Variants in FARS2 observed in about 807,000 individuals in gnomAD.
FARS2 encodes the protein phenylalanyl-tRNA synthetase 2, mitochondrial, also known as phenylalanine--tRNA ligase, mitochondrial.
FARS2 carries 40 observed loss-of-function variants against 46.4 expected under a neutral mutation model. That is an observed-to-expected ratio of 0.86 (90% CI 0.67 to 1.12). The LOEUF (loss-of-function observed/expected upper bound fraction) is 1.12. FARS2 is among the 50% of genes most tolerant of loss of function. FARS2 has a pLI of 0.00. For missense variants in FARS2, 513 were observed against 567.9 expected, an observed-to-expected ratio of 0.90 and a Z score of 0.98; for synonymous variants, 234 against 214.9, an observed-to-expected ratio of 1.09 and a Z score of -0.78.
At chr6:5,417,734 T>C (rs183210136) in intron 3 of FARS2, among the ~76,000 whole-genome samples, 167 of 152,334 alleles carry the variant, frequency 1.1e-3, no homozygotes, top group Middle Eastern at 6.8e-3. Context: ...TTCAGATTTC[T>C]TATGTTTGGA....
chr6:5,635,764 C>G (rs758578123), intron 6 of FARS2, among the ~76,000 whole-genome samples: 4 of 152,118 alleles, frequency 2.6e-5, no homozygotes, highest in Non-Finnish European at 4.4e-5. Flanking sequence ...CCGAAGCCCA[C>G]CCCATGGAGT....
chr6:5,371,942 A>G (rs1419909143), intron 2 of FARS2, among the ~76,000 whole-genome samples: 1 of 152,122 alleles, frequency 6.6e-6, no homozygotes, highest in Non-Finnish European at 1.5e-5. Flanking sequence ...AAACAAAACC[A>G]CACCAAAGGG....
intron 4 of FARS2, among the ~76,000 whole-genome samples, chr6:5,469,803 A>G (rs1396651037): frequency 6.6e-6 from 1 of 152,200 alleles, no homozygotes; most frequent in African/African-American, 2.4e-5. Flanking sequence ...TAGATTTCTA[A>G]TCAGTGTTTT....
intron 1 of FARS2, among the ~76,000 whole-genome samples, chr6:5,357,573 T>A (rs1454308313): frequency 6.6e-6 from 1 of 152,216 alleles, no homozygotes; most frequent in Non-Finnish European, 1.5e-5. Context: ...ATGGTTTGCA[T>A]AGAGGTAAAA....
intron 4 of FARS2, among the ~76,000 whole-genome samples, chr6:5,503,102 C>T (rs746923960): frequency 2.0e-5 from 3 of 151,544 alleles, no homozygotes; most frequent in Non-Finnish European, 2.9e-5. Context: ...ACAACATCCT[C>T]ACTAAATTAA....
chr6:5,703,991 C>T (rs1758592087), intron 6 of FARS2, among the ~76,000 whole-genome samples: 1 of 152,160 alleles, frequency 6.6e-6, no homozygotes, highest in Non-Finnish European at 1.5e-5. Context: ...CCTCTGCCGC[C>T]TCCTCCCTTT....
chr6:5,552,425 T>G (rs7744300), intron 5 of FARS2, among the ~76,000 whole-genome samples: 22,004 of 152,186 alleles, frequency 0.14, 2,004 homozygotes, highest in East Asian at 0.3. Context: ...TTTCTCTTCC[T>G]TGGTCTCCTT....
intron 1 of FARS2, among the ~76,000 whole-genome samples, chr6:5,270,548 A>G (rs1366211827): frequency 6.6e-6 from 1 of 152,156 alleles, no homozygotes; most frequent in Non-Finnish European, 1.5e-5. Flanking sequence ...TGTTTGCTGA[A>G]ATTTTTCTGT....
chr6:5,446,643 T>A (rs1764203412), intron 4 of FARS2, among the ~76,000 whole-genome samples: 1 of 152,194 alleles, frequency 6.6e-6, no homozygotes, highest in Admixed American at 6.5e-5. Context: ...GCTTCATACT[T>A]GGATGTGATG....
intron 4 of FARS2, chr6:5,466,487 T>C (rs1407225062): frequency 2.1e-6 from 2 of 967,932 alleles, no homozygotes; most frequent in Non-Finnish European, 2.5e-6. Context: ...ACATAATAAA[T>C]GTTTAGTGGA....
At chr6:5,300,610 G>A (rs1308529695) in intron 1 of FARS2, among the ~76,000 whole-genome samples, 1 of 152,084 alleles carries the variant, frequency 6.6e-6, no homozygotes, top group African/African-American at 2.4e-5. Flanking sequence ...GACACTGTTG[G>A]ATGAGAGAGA....
At chr6:5,271,353 C>T (rs1224451985) in intron 1 of FARS2, among the ~76,000 whole-genome samples, 2 of 152,126 alleles carry the variant, frequency 1.3e-5, no homozygotes, top group Non-Finnish European at 2.9e-5. Context: ...GTCATGTCCT[C>T]ATCCATTTCT....
chr6:5,713,771 G>A (rs952560081), intron 6 of FARS2, among the ~76,000 whole-genome samples: 17 of 152,208 alleles, frequency 1.1e-4, no homozygotes, highest in African/African-American at 3.6e-4. Flanking sequence ...GGAGGGTGGC[G>A]CTTTGAGCAG....
At chr6:5,564,170 G>A (rs375133645) in intron 5 of FARS2, among the ~76,000 whole-genome samples, 77 of 152,298 alleles carry the variant, frequency 5.1e-4, no homozygotes, top group Admixed American at 2.0e-3. Flanking sequence ...GTATAACCCT[G>A]TTGCAAATAG....
At chr6:5,484,568 G>A (rs891528003) in intron 4 of FARS2, among the ~76,000 whole-genome samples, 3 of 152,176 alleles carry the variant, frequency 2.0e-5, no homozygotes, top group African/African-American at 7.2e-5. Context: ...CTGCTTTATT[G>A]GACAGTGAAG....
At chr6:5,320,612 T>C (rs915638553) in intron 1 of FARS2, among the ~76,000 whole-genome samples, 1 of 152,224 alleles carries the variant, frequency 6.6e-6, no homozygotes, top group Admixed American at 6.5e-5. Context: ...GAATTCTTGA[T>C]AGGGAGAGAA....
intron 4 of FARS2, among the ~76,000 whole-genome samples, chr6:5,513,723 T>A (rs925127328): frequency 1.3e-5 from 2 of 152,158 alleles, no homozygotes; most frequent in African/African-American, 4.8e-5. Flanking sequence ...TTATTAAGCG[T>A]TTAGTTTCCT....
At position 5,545,305 on chromosome 6, in the gene FARS2, T is replaced by C; in HGVS notation, c.1030T>C (p.Cys344Arg). 1 of 1,614,100 alleles carries C rather than the reference T, an allele frequency of 6.2e-7. No homozygotes were observed. The highest frequency in any genetic ancestry group is 8.5e-7 in the Non-Finnish European group (1 of 1,179,952). Residue 344 changes from cysteine (C) to arginine (R), a missense_variant, in exon 5 of 7, where the codon TGT (cysteine) becomes CGT (arginine). Transcript: ENST00000274680. ...CEDERFLKQF[C>R]VSNINQKVKF... is the part of the protein sequence containing the mutation. ...GGACGAGCGCTTCCTGAAGCAGTTC[T>C]GTGTATCCAACATTAATCAGAAGGT...
At chr6:5,606,992 A>G (rs989329596) in intron 5 of FARS2, among the ~76,000 whole-genome samples, 1 of 152,160 alleles carries the variant, frequency 6.6e-6, no homozygotes, top group Non-Finnish European at 1.5e-5. Context: ...TTCCAGTGCT[A>G]TTTGGTGTAC....
Sources: gnomAD v4.1 joint callset for allele counts (sites outside exome capture counted in the v4.1 genomes callset) on GRCh38, gnomAD v4.1.1 for gene constraint, MANE v1.5 for transcripts, NCBI Gene and HGNC (gene_info 2026-07-23, HGNC 2026-07-21) for gene names.